Variants in GUCY1A2 observed in about 807,000 individuals in gnomAD.
GUCY1A2 encodes guanylate cyclase 1 soluble subunit alpha 2.
Under a neutral mutation model 63.5 loss-of-function variants are expected in GUCY1A2, and 27 were observed. The ratio of observed to expected loss-of-function variants is 0.43; its 90% CI spans 0.31 to 0.59. The LOEUF (loss-of-function observed/expected upper bound fraction) is 0.59. Among genes scored for constraint, GUCY1A2 ranks in the 20% least tolerant of loss-of-function variants. The pLI, the probability that GUCY1A2 is intolerant of heterozygous loss-of-function variation, is 0.11. For missense variants in GUCY1A2, 768 were observed against 913.3 expected, an observed-to-expected ratio of 0.84 and a Z score of 2.05; for synonymous variants, 364 against 343.5, an observed-to-expected ratio of 1.06 and a Z score of -0.66.
intron 1 of GUCY1A2, among the ~76,000 whole-genome samples, chr11:106,997,123 A>G (rs1861549925): frequency 6.6e-6 from 1 of 151,196 alleles, no homozygotes; most frequent in Non-Finnish European, 1.5e-5. Flanking sequence ...ATTACATATT[A>G]TATTATTTCC....
chr11:106,703,841 ATTAC>A (rs752445979), intron 7 of GUCY1A2, among the ~76,000 whole-genome samples: 11 of 151,932 alleles, frequency 7.2e-5, no homozygotes, highest in African/African-American at 2.4e-4. Flanking sequence ...TTAAGTAATG[ATTAC>A]TTAGTAATCA....
At chr11:106,911,781 A>G (rs531473604) in intron 4 of GUCY1A2, among the ~76,000 whole-genome samples, 41 of 152,228 alleles carry the variant, frequency 2.7e-4, no homozygotes, top group African/African-American at 9.4e-4. Context: ...ATTGAAAACT[A>G]TACATAAATA....
intron 1 of GUCY1A2, among the ~76,000 whole-genome samples, chr11:106,989,565 C>T (rs1459351629): frequency 6.6e-6 from 1 of 151,998 alleles, no homozygotes; most frequent in Non-Finnish European, 1.5e-5. Flanking sequence ...TTCCTACCCT[C>T]AGGAGTCTCA....
intron 4 of GUCY1A2, among the ~76,000 whole-genome samples, chr11:106,856,268 C>T (rs529356495): frequency 3.3e-5 from 5 of 151,968 alleles, no homozygotes; most frequent in South Asian, 2.1e-4. Flanking sequence ...GCAGCCTGGG[C>T]GACAGAACAA....
chr11:106,721,778 T>C (rs1424209282), intron 6 of GUCY1A2, among the ~76,000 whole-genome samples: 2 of 152,206 alleles, frequency 1.3e-5, no homozygotes, highest in East Asian at 3.9e-4. Context: ...TGAACAAAAC[T>C]GTAATTAAGA....
At chr11:106,841,518 A>C (rs1448439089) in intron 4 of GUCY1A2, among the ~76,000 whole-genome samples, 1 of 151,934 alleles carries the variant, frequency 6.6e-6, no homozygotes, top group Admixed American at 6.6e-5. Flanking sequence ...GAACGAAATA[A>C]AGCATTCCAT....
chr11:106,926,421 G>C (rs1363436768), intron 4 of GUCY1A2, among the ~76,000 whole-genome samples: 1 of 148,046 alleles, frequency 6.8e-6, no homozygotes, highest in Non-Finnish European at 1.5e-5. Flanking sequence ...CTGGGTGACA[G>C]AGTGAGACTC....
rs200811548 is a variant in GUCY1A2 at position 106,937,738 on chromosome 11, G to A, written c.1206+1722C>T. ...TTAAACATACATATAATATACATAT[G>A]TGACAATTTGTATTTAAAACATCAT... On this transcript the variant is annotated intron_variant, in intron 4 of 7. Coordinates refer to ENST00000526355, the MANE Select transcript of GUCY1A2 (RefSeq NM_000855.3). Among the ~76,000 whole-genome samples the A allele has an allele frequency of 5.3e-5, 8 of 152,230 alleles. No homozygotes were observed. In the East Asian group the frequency reaches 1.5e-3, roughly 29 times the overall value.
intron 6 of GUCY1A2, among the ~76,000 whole-genome samples, chr11:106,737,145 C>CA (rs1057038042): frequency 2.0e-5 from 3 of 151,964 alleles, no homozygotes; most frequent in Non-Finnish European, 2.9e-5. Flanking sequence ...AAAACAAGTA[C>CA]AAAAAAAGAA....
intron 4 of GUCY1A2, among the ~76,000 whole-genome samples, chr11:106,919,248 G>A (rs1860409211): frequency 6.6e-6 from 1 of 152,038 alleles, no homozygotes; most frequent in South Asian, 2.1e-4. Flanking sequence ...GCATACGTTG[G>A]TCAAAGGCTA....
rs561034575 is a variant in GUCY1A2 at position 106,716,466 on chromosome 11, A to C, written c.1837-7800T>G. Among the ~76,000 whole-genome samples, 10 of 152,194 alleles carry C rather than the reference A, an allele frequency of 6.6e-5. No homozygotes were observed. The South Asian group carries it at 1.7e-3, about 25-fold the overall frequency. On this transcript the variant is annotated intron_variant, in intron 6 of 7. Transcript: ENST00000526355. ...GGCTCTACTACTTAACGGTGGTAGAAATTTTCCAGCCAATAGCATTGTGAT... is the reference window on the plus strand; with the variant it reads ...GGCTCTACTACTTAACGGTGGTAGACATTTTCCAGCCAATAGCATTGTGAT...
At chr11:106,960,914 A>G (rs984321216) in intron 3 of GUCY1A2, among the ~76,000 whole-genome samples, 9 of 152,148 alleles carry the variant, frequency 5.9e-5, no homozygotes, top group African/African-American at 1.9e-4. Flanking sequence ...ATTTCATGGA[A>G]AGGAGTGCCA....
At chr11:106,940,704 A>T (rs566394553) in intron 3 of GUCY1A2, among the ~76,000 whole-genome samples, 1 of 152,308 alleles carries the variant, frequency 6.6e-6, no homozygotes, top group East Asian at 1.9e-4. Context: ...GAGCATTTTC[A>T]CTGCCCTAAA....
chr11:106,914,313 T>G (rs969088491), intron 4 of GUCY1A2, among the ~76,000 whole-genome samples: 2 of 152,102 alleles, frequency 1.3e-5, no homozygotes, highest in African/African-American at 4.8e-5. Context: ...CCACTCCTAA[T>G]GTACATAATT....
intron 4 of GUCY1A2, among the ~76,000 whole-genome samples, chr11:106,843,233 G>GA (rs935074776): frequency 4.6e-5 from 7 of 151,768 alleles, no homozygotes; most frequent in East Asian, 3.9e-4. Flanking sequence ...ATATTTTTAA[G>GA]AAAAAAAGTA....
intron 5 of GUCY1A2, among the ~76,000 whole-genome samples, chr11:106,787,516 AAGAG>A (rs1365021592): frequency 7.3e-6 from 1 of 136,608 alleles, no homozygotes; most frequent in Non-Finnish European, 1.6e-5. Flanking sequence ...AGAAAAAGGA[AAGAG>A]AGAAAGGGAG....
intron 1 of GUCY1A2, among the ~76,000 whole-genome samples, chr11:106,989,003 C>T (rs1365121946): frequency 6.6e-6 from 1 of 152,192 alleles, no homozygotes. Flanking sequence ...TAGGGTCCAG[C>T]TCTCAACAAA....
chr11:106,919,311 T>C (rs1860410035), intron 4 of GUCY1A2, among the ~76,000 whole-genome samples: 1 of 152,116 alleles, frequency 6.6e-6, no homozygotes, highest in African/African-American at 2.4e-5. Flanking sequence ...ATATACAGCA[T>C]GATGACTATA....
At chr11:106,870,196 T>C (rs1305924267) in intron 4 of GUCY1A2, among the ~76,000 whole-genome samples, 5 of 152,044 alleles carry the variant, frequency 3.3e-5, no homozygotes, top group African/African-American at 1.2e-4. Flanking sequence ...ATGGCACATG[T>C]ATACATACGT....
Sources: gnomAD v4.1 joint callset for allele counts (sites outside exome capture counted in the v4.1 genomes callset) on GRCh38, gnomAD v4.1.1 for gene constraint, MANE v1.5 for transcripts, NCBI Gene and HGNC (gene_info 2026-07-23, HGNC 2026-07-21) for gene names.